The following MMP24 variants were observed in gnomAD, a reference collection of about 807,000 sequenced individuals.
MMP24 encodes matrix metalloproteinase-24.
A neutral mutation model predicts 62.8 loss-of-function variants in MMP24; 25 were observed. The observed-to-expected ratio is 0.40, with a 90% CI of 0.29 to 0.56. The LOEUF (loss-of-function observed/expected upper bound fraction) is 0.56, where lower values mean the gene tolerates loss of function less well. Among genes scored for constraint, MMP24 ranks in the 20% least tolerant of loss-of-function variants. The pLI, the probability that MMP24 is intolerant of heterozygous loss-of-function variation, is 0.50. For synonymous variants in MMP24, 319 were observed against 350.5 expected, an observed-to-expected ratio of 0.91 and a Z score of 1.00; for missense variants, 634 against 853.6, an observed-to-expected ratio of 0.74 and a Z score of 3.21.
Position 35,274,891 on chromosome 20 carries a change from A to G in MMP24, c.*282A>G, listed in dbSNP as rs2060695159. On this transcript the variant is annotated 3_prime_UTR_variant, in exon 9 of 9. Coordinates refer to ENST00000246186, the MANE Select transcript of MMP24 (RefSeq NM_006690.4). The surrounding 1 kb of genome is among the most constrained non-coding windows in gnomAD (Gnocchi z 5.1). ...GGCCAGGCTCCATCCGGAGGCAGGG[A>G]CCATGCCAGGAGGAGCCCCTGTGGT... 2.2e-6 allele frequency: 1 copy of G among 447,210 alleles called. No homozygotes were observed. Among genetic ancestry groups the G allele is most frequent in the Non-Finnish European group, 4.0e-6 (1 of 248,400 alleles). The allele number at this position is 447,210 out of a possible 1,614,324, so 27.7% of individuals were successfully genotyped here.
chr20:35,241,427 A>C (rs2060487925), intron 1 of MMP24, among the ~76,000 whole-genome samples: 1 of 152,072 alleles, frequency 6.6e-6, no homozygotes, highest in African/African-American at 2.4e-5. Context: ...GTGTGCCCCT[A>C]GGCTCTGAGG....
At chr20:35,241,065 A>G (rs985556070) in intron 1 of MMP24, among the ~76,000 whole-genome samples, 4 of 152,210 alleles carry the variant, frequency 2.6e-5, no homozygotes, top group African/African-American at 9.6e-5. Context: ...GGAGTTTGCT[A>G]ATGTGCATAA....
rs74812202 is a variant in MMP24 at position 35,229,929 on chromosome 20, G to A, written c.246+2945G>A. ...TGTCATTTTCTTCTCTCTTCTCCAG[G>A]AAACATTTTTAAGGCAGCCCCAGCC... On this transcript the variant is annotated intron_variant, in intron 1 of 8. Transcript: ENST00000246186. 1.1e-3 allele frequency among the ~76,000 whole-genome samples: 169 copies of A among 152,058 alleles called. 4 individuals are homozygous for A. The East Asian group carries it at 0.03, about 27-fold the overall frequency.
In MMP24 at chr20:35,276,483, G is replaced by A. The variant is rs1008807237; in HGVS notation, c.*1874G>A. The A allele has an allele frequency of 2.5e-5, 10 of 394,208 alleles. No individual in the cohort carries two copies. Among genetic ancestry groups the A allele is most frequent in the African/African-American group, 4.1e-5 (2 of 48,548 alleles). 24.4% of individuals were successfully genotyped at this position (394,208 alleles called of 1,614,324 possible). ...AGCACAGAGAGGTTGTTACTTGCCC[G>A]GGCCATCCAGTGGGCTGGCTGGGTC... On this transcript the variant is annotated 3_prime_UTR_variant, in exon 9 of 9. Coordinates refer to ENST00000246186, the MANE Select transcript of MMP24 (RefSeq NM_006690.4).
Position 35,238,496 on chromosome 20 carries a change from A to G in MMP24, c.247-8344A>G, listed in dbSNP as rs145025558. On this transcript the variant is annotated intron_variant, in intron 1 of 8. Transcript: ENST00000246186. ...AGGGGAGAGTGAACTGAATAGAAGG[A>G]ACAATACGTGTAAGGGCCTGGGAGA... is the stretch of plus-strand genomic sequence containing the variant. Among the ~76,000 whole-genome samples, 268 of 152,316 alleles carry G rather than the reference A, an allele frequency of 1.8e-3. 1 individual carries two copies. The highest frequency in any genetic ancestry group is 6.0e-3 in the African/African-American group (250 of 41,560).
chr20:35,266,339 G>A (rs1447894419), intron 5 of MMP24, among the ~76,000 whole-genome samples: 6 of 136,938 alleles, frequency 4.4e-5, no homozygotes, highest in Non-Finnish European at 6.1e-5. Context: ...GGGACGGAGC[G>A]AGACTCCTTC....
chr20:35,256,375 G>A (rs1444991950), intron 4 of MMP24: 1 of 152,118 alleles, frequency 6.6e-6, no homozygotes, highest in African/African-American at 2.4e-5. Context: ...AAGCTTCCAT[G>A]GTTCTCAAAC....
intron 1 of MMP24, among the ~76,000 whole-genome samples, chr20:35,233,242 AT>A (rs2060445991): frequency 6.6e-6 from 1 of 152,150 alleles, no homozygotes; most frequent in Non-Finnish European, 1.5e-5. Context: ...CCCTATCTCT[AT>A]TAAAAATACA....
intron 1 of MMP24, among the ~76,000 whole-genome samples, chr20:35,233,821 A>C (rs1568608728): frequency 6.6e-6 from 1 of 152,020 alleles, no homozygotes; most frequent in African/African-American, 2.4e-5. Context: ...CCATCTCTAC[A>C]AAAAAATACA....
intron 5 of MMP24, among the ~76,000 whole-genome samples, chr20:35,265,842 G>C (rs2060630851): frequency 6.6e-6 from 1 of 152,100 alleles, no homozygotes; most frequent in South Asian, 2.1e-4. Flanking sequence ...AGGGGCTACT[G>C]TAGTGAACGA....
chr20:35,264,124 A>G (rs2060619194), intron 5 of MMP24, 172 bp downstream of exon 5: 2 of 710,864 alleles, frequency 2.8e-6, no homozygotes, highest in East Asian at 6.9e-5. Flanking sequence ...CCAGAGGGCA[A>G]GGCTTCCCCT....
chr20:35,236,857 C>G (rs1390963374), intron 1 of MMP24, among the ~76,000 whole-genome samples: 8 of 151,868 alleles, frequency 5.3e-5, no homozygotes, highest in African/African-American at 1.9e-4. Context: ...ACCTGTAATT[C>G]CAACTACTCG....
intron 1 of MMP24, among the ~76,000 whole-genome samples, chr20:35,231,844 G>C (rs2060439064): frequency 6.6e-6 from 1 of 152,166 alleles, no homozygotes; most frequent in Non-Finnish European, 1.5e-5. Context: ...CTGAGGTCAG[G>C]AGTTTGAGAC....
chr20:35,241,305 CACACACAG>C (rs369275317), intron 1 of MMP24, among the ~76,000 whole-genome samples: 118 of 152,252 alleles, frequency 7.8e-4, no homozygotes, highest in Middle Eastern at 3.4e-3. Flanking sequence ...CTCTAATACA[CACACACAG>C]ACACACAGAC....
In MMP24 at chr20:35,226,761, G is replaced by A; in HGVS notation, c.23G>A (p.Arg8His). MPRSRGG[R>H]AAPGPPPPPP... ...GGGATGCCGAGGAGCCGGGGCGGCCGCGCCGCGCCGGGGCCGCCGCCGCCG... is the reference window on the plus strand; with the variant it reads ...GGGATGCCGAGGAGCCGGGGCGGCCACGCCGCGCCGGGGCCGCCGCCGCCG... Residue 8 changes from arginine to histidine, a missense_variant, in exon 1 of 9, where the codon CGC (arginine) becomes CAC (histidine). Physicochemically the swap from Arg to His is conservative, Grantham distance 29. This residue lies in a region of MMP24 where 212 missense variants were observed against 259.6 expected (regional missense o/e 0.82). Transcript: ENST00000246186. The A allele has an allele frequency of 8.3e-6, 4 of 482,686 alleles. No individual in the cohort carries two copies. Among genetic ancestry groups the A allele is most frequent in the Non-Finnish European group, 9.0e-6 (4 of 443,774 alleles). The allele number at this position is 482,686 out of a possible 1,614,324, so 29.9% of individuals were successfully genotyped here.
chr20:35,255,048 G>A (rs1423633900), intron 4 of MMP24, among the ~76,000 whole-genome samples: 1 of 152,202 alleles, frequency 6.6e-6, no homozygotes, highest in Admixed American at 6.5e-5. Flanking sequence ...AGTTTAAAAG[G>A]GGCCAGGCAC....
intron 1 of MMP24, among the ~76,000 whole-genome samples, chr20:35,245,565 T>A (rs1364451318): frequency 6.6e-6 from 1 of 151,866 alleles, no homozygotes; most frequent in Non-Finnish European, 1.5e-5. Context: ...TCTCCTGCCT[T>A]AGCCTCCTGA....
At chr20:35,273,045 G>C (rs1453405801) in intron 8 of MMP24, among the ~76,000 whole-genome samples, 1 of 152,176 alleles carries the variant, frequency 6.6e-6, no homozygotes, top group Non-Finnish European at 1.5e-5. Flanking sequence ...AGCTTGTGTG[G>C]TGGGAGCTGG....
At position 35,251,934 on chromosome 20, in the gene MMP24, C is replaced by G; in HGVS notation, c.425C>G (p.Pro142Arg). Reference sequence around the variant, plus strand: ...ATGAAGAAACCCCGATGTGGTGTCCCTGATCACCCCCACTTAAGCCGTAGG... The same window carrying G: ...ATGAAGAAACCCCGATGTGGTGTCCGTGATCACCCCCACTTAAGCCGTAGG... Reference protein sequence around the residue: ...EWMKKPRCGVPDHPHLSRRRR... With the variant: ...EWMKKPRCGVRDHPHLSRRRR... Residue 142 changes from proline to arginine, a missense_variant, in exon 3 of 9, where the codon CCT (proline) becomes CGT (arginine). By Grantham distance (103) the Pro-to-Arg change is moderately radical (BLOSUM62 -2). Around this residue, in one of 3 missense-constraint regions of MMP24, gnomAD observed 212 missense variants for 259.6 expected, o/e 0.82. Coordinates refer to ENST00000246186, the MANE Select transcript of MMP24 (RefSeq NM_006690.4). 6.2e-7 allele frequency: 1 copy of G among 1,614,016 alleles called. No individual in the cohort carries two copies. The highest frequency in any genetic ancestry group is 8.5e-7 in the Non-Finnish European group (1 of 1,179,894).
Sources: gnomAD v4.1 joint callset for allele counts (sites outside exome capture counted in the v4.1 genomes callset) on GRCh38, gnomAD v4.1.1 for gene constraint, gnomAD v4.1.1 regional missense constraint, Gnocchi (gnomAD v3.1) non-coding constraint, MANE v1.5 for transcripts, NCBI Gene and HGNC (gene_info 2026-07-23, HGNC 2026-07-21) for gene names.